The following RAB38 variants were observed in gnomAD, a reference collection of about 807,000 sequenced individuals.
RAB38 encodes ras-related protein Rab-38.
Under a neutral mutation model 18.4 loss-of-function variants are expected in RAB38, and 15 were observed. The observed-to-expected ratio is 0.82, with a 90% CI of 0.55 to 1.26. RAB38 has a LOEUF of 1.26. Among genes scored for constraint, RAB38 ranks in the 50% most tolerant of loss-of-function variants. RAB38 has a pLI of 0.00. For synonymous variants in RAB38, 101 were observed against 104.4 expected (o/e 0.97, Z 0.20); for missense variants, 294 against 267.4 (o/e 1.10, Z -0.69).
intron 2 of RAB38, among the ~76,000 whole-genome samples, chr11:88,136,494 G>A (rs1004107262): frequency 1.3e-5 from 2 of 152,118 alleles, no homozygotes; most frequent in African/African-American, 4.8e-5. Context: ...TAACCCTTTC[G>A]AAAACAAGGA....
downstream of RAB38, among the ~76,000 whole-genome samples, chr11:88,112,421 T>C (rs971225473): frequency 2.6e-5 from 4 of 152,160 alleles, no homozygotes; most frequent in African/African-American, 9.7e-5. Flanking sequence ...AGGCCTCTTT[T>C]TCTAGGTCAG....
the RAB38 span, among the ~76,000 whole-genome samples, chr11:87,960,038 T>C: frequency 2.6e-5 from 4 of 152,176 alleles, no homozygotes; most frequent in Non-Finnish European, 4.4e-5. Flanking sequence ...CAAAGGAAAA[T>C]CTAGAGTCAA....
chr11:87,893,371 C>CATATATATATATATATGTAT, the RAB38 span, among the ~76,000 whole-genome samples: 8 of 86,412 alleles, frequency 9.3e-5, 1 homozygote, highest in East Asian at 7.5e-4. Flanking sequence ...ATATATTTTA[C>CATATATATATATATATGTAT]ATATATATAT....
At chr11:87,922,428 T>A in the RAB38 span, among the ~76,000 whole-genome samples, 18 of 152,042 alleles carry the variant, frequency 1.2e-4, no homozygotes, top group Non-Finnish European at 2.1e-4. Flanking sequence ...TTGTTTTTCC[T>A]CTGTGGGAAT....
chr11:88,160,766 T>C (rs1317781321), intron 1 of RAB38, among the ~76,000 whole-genome samples: 3 of 152,068 alleles, frequency 2.0e-5, no homozygotes, highest in African/African-American at 2.4e-5. Flanking sequence ...CACCTATAAG[T>C]GGGAGCTATA....
Position 88,114,022 on chromosome 11 carries a change from T to G in RAB38, c.602A>C (p.Lys201Thr). ...GGCACAGCCAGAGCAGCTGGCAACC[T>G]TGGTTGATGTGAGATGGGGCTTCAC... ...DVVKPHLTST[K>T]VASCSGCAKS The change falls in exon 3 of 3, where the codon AAG becomes ACG. Residue 201 changes from lysine (K) to threonine (T), a missense_variant. Physicochemically the swap from Lys to Thr is moderately conservative, Grantham distance 78 (BLOSUM62 -1). Transcript: ENST00000243662. 6.2e-7 allele frequency: 1 copy of G among 1,614,162 alleles called. No individual in the cohort carries two copies. Among genetic ancestry groups the G allele is most frequent in the Non-Finnish European group, 8.5e-7 (1 of 1,180,010 alleles).
At chr11:87,853,112 A>G in the RAB38 span, among the ~76,000 whole-genome samples, 1 of 152,282 alleles carries the variant, frequency 6.6e-6, no homozygotes, top group African/African-American at 2.4e-5. Flanking sequence ...ATTTGGGTTA[A>G]AAGAGAGGAT....
chr11:87,956,516 T>C, the RAB38 span, among the ~76,000 whole-genome samples: 3 of 152,164 alleles, frequency 2.0e-5, no homozygotes, highest in Non-Finnish European at 1.5e-5. Flanking sequence ...GTCTCTCAGA[T>C]GCCATAGTAG....
At chr11:87,939,700 A>G in the RAB38 span, among the ~76,000 whole-genome samples, 1 of 152,066 alleles carries the variant, frequency 6.6e-6, no homozygotes, top group African/African-American at 2.4e-5. Flanking sequence ...TGTACCAACA[A>G]GAGAAAGAAA....
intron 2 of RAB38, among the ~76,000 whole-genome samples, chr11:88,124,542 A>T (rs2134784374): frequency 6.6e-6 from 1 of 152,338 alleles, no homozygotes; most frequent in East Asian, 1.9e-4. Flanking sequence ...ATCACTGGAC[A>T]TCAGAGAGAT....
chr11:88,030,830 A>G, the RAB38 span, among the ~76,000 whole-genome samples: 1 of 152,118 alleles, frequency 6.6e-6, no homozygotes, highest in East Asian at 1.9e-4. Flanking sequence ...TCCTTCTGAA[A>G]CTATTCCAAT....
the RAB38 span, among the ~76,000 whole-genome samples, chr11:87,824,975 TG>T: frequency 1.5e-3 from 234 of 151,284 alleles, no homozygotes; most frequent in African/African-American, 5.1e-3. Context: ...AGAACACTTT[TG>T]AAAGAGAGAG....
chr11:88,080,075 T>C, the RAB38 span, among the ~76,000 whole-genome samples: 10 of 151,770 alleles, frequency 6.6e-5, no homozygotes, highest in Admixed American at 4.6e-4. Flanking sequence ...AATAAAGATA[T>C]ATAGATAGGA....
At chr11:87,909,453 C>T in the RAB38 span, among the ~76,000 whole-genome samples, 65 of 152,078 alleles carry the variant, frequency 4.3e-4, no homozygotes, top group Middle Eastern at 3.4e-3. Context: ...CTCTCTCTCT[C>T]TGTCTCTCTT....
At chr11:87,965,653 T>C in the RAB38 span, among the ~76,000 whole-genome samples, 1 of 152,124 alleles carries the variant, frequency 6.6e-6, no homozygotes, top group Non-Finnish European at 1.5e-5. Context: ...AGTTGGGACA[T>C]AGATGGTGAA....
the RAB38 span, among the ~76,000 whole-genome samples, chr11:87,908,705 A>G: frequency 2.0e-5 from 3 of 151,938 alleles, no homozygotes; most frequent in African/African-American, 7.2e-5. Context: ...TAAAATTCTA[A>G]ACCATAAACC....
the RAB38 span, among the ~76,000 whole-genome samples, chr11:87,971,841 G>GT: frequency 3.3e-5 from 5 of 151,756 alleles, no homozygotes; most frequent in East Asian, 7.7e-4. Context: ...CAATAATGTT[G>GT]TTTTTGCTGA....
chr11:87,951,020 C>T, the RAB38 span, among the ~76,000 whole-genome samples: 1 of 152,194 alleles, frequency 6.6e-6, no homozygotes, highest in African/African-American at 2.4e-5. Flanking sequence ...CTTTCAGGTA[C>T]ACCAATCAGA....
At chr11:88,044,287 C>T in the RAB38 span, among the ~76,000 whole-genome samples, 21 of 152,056 alleles carry the variant, frequency 1.4e-4, no homozygotes, top group African/African-American at 5.1e-4. Flanking sequence ...TGGGGAGGAA[C>T]CCCCGACCCC....
Sources: allele counts gnomAD v4.1 joint callset (sites outside exome capture counted in the v4.1 genomes callset), GRCh38; gene constraint gnomAD v4.1.1; transcripts MANE v1.5; gene names NCBI Gene and HGNC (gene_info 2026-07-23, HGNC 2026-07-21).